Variants in SMURF1 observed in about 807,000 individuals in gnomAD.
SMURF1 encodes the protein E3 ubiquitin-protein ligase SMURF1.
A neutral mutation model predicts 98.0 loss-of-function variants in SMURF1; 44 were observed. The ratio of observed to expected loss-of-function variants is 0.45; its 90% CI spans 0.35 to 0.58. The LOEUF is 0.58. Among genes scored for constraint, SMURF1 ranks in the 20% least tolerant of loss-of-function variants. The pLI, the probability that SMURF1 is intolerant of heterozygous loss-of-function variation, is 0.00. For missense variants in SMURF1, 687 were observed against 938.4 expected (o/e 0.73, Z 3.50); for synonymous variants, 396 against 374.9 (o/e 1.06, Z -0.65).
chr7:99,046,707 G>A (rs1442337293), intron 10 of SMURF1, among the ~76,000 whole-genome samples: 6 of 145,386 alleles, frequency 4.1e-5, no homozygotes, highest in Non-Finnish European at 8.9e-5. Flanking sequence ...ACTCCAGCCT[G>A]GGCAACAGTG....
At chr7:99,080,279 A>G (rs1467445685) in intron 1 of SMURF1, among the ~76,000 whole-genome samples, 1 of 151,956 alleles carries the variant, frequency 6.6e-6, no homozygotes, top group East Asian at 1.9e-4. Flanking sequence ...AAAGCACTAA[A>G]CCTAGATAAG....
In SMURF1 at chr7:99,066,784, G is replaced by GA. The variant is rs111395590; in HGVS notation, c.56-4948dup. 5.0e-3 allele frequency among the ~76,000 whole-genome samples: 465 copies of GA among 92,498 alleles called. 2 individuals are homozygous for GA. The highest frequency in any genetic ancestry group is 9.5e-3 in the African/African-American group (238 of 24,956). 60.7% of individuals were successfully genotyped at this position (92,498 alleles called of 152,430 possible). On this transcript the variant is annotated intron_variant, in intron 1 of 17. Transcript: ENST00000361368. ...ACACAGTGAGACTCTGTCTCAAAAA[G>GA]AAAAAAAAAAAAAAAGAAAAGAAGA...
intron 1 of SMURF1, among the ~76,000 whole-genome samples, chr7:99,088,312 C>T (rs556542495): frequency 1.3e-4 from 19 of 151,938 alleles, no homozygotes; most frequent in African/African-American, 3.1e-4. Flanking sequence ...GAACTACTGA[C>T]GTCACTGATG....
intron 1 of SMURF1, among the ~76,000 whole-genome samples, chr7:99,113,277 A>G (rs1301396151): frequency 6.6e-6 from 1 of 152,202 alleles, no homozygotes; most frequent in Non-Finnish European, 1.5e-5. Flanking sequence ...GAAAACAGCA[A>G]GAGAGAAACA....
chr7:99,124,342 C>T (rs139008196), intron 1 of SMURF1, among the ~76,000 whole-genome samples: 133 of 152,272 alleles, frequency 8.7e-4, no homozygotes, highest in African/African-American at 3.2e-3. Context: ...GCCCAGTTTC[C>T]ATTTAAAAAG....
At chr7:99,073,027 T>A (rs954464493) in intron 1 of SMURF1, among the ~76,000 whole-genome samples, 1 of 152,106 alleles carries the variant, frequency 6.6e-6, no homozygotes, top group Non-Finnish European at 1.5e-5. Flanking sequence ...AACTGATCCA[T>A]CTCCTCAATG....
At chr7:99,058,322 G>T (rs969672784) in intron 3 of SMURF1, among the ~76,000 whole-genome samples, 21 of 151,916 alleles carry the variant, frequency 1.4e-4, no homozygotes, top group African/African-American at 4.8e-4. Flanking sequence ...TAGAGACGGG[G>T]TTTCACCATG....
At chr7:99,087,228 T>TA (rs1331630557) in intron 1 of SMURF1, among the ~76,000 whole-genome samples, 4 of 151,788 alleles carry the variant, frequency 2.6e-5, no homozygotes, top group African/African-American at 7.3e-5. Context: ...ATTTTAATTT[T>TA]AAAAAAATTA....
intron 1 of SMURF1, among the ~76,000 whole-genome samples, chr7:99,093,060 C>G (rs1347846572): frequency 2.6e-5 from 4 of 152,238 alleles, no homozygotes; most frequent in Admixed American, 6.5e-5. Flanking sequence ...CTCCCATAGC[C>G]TATATCACAC....
rs73709538 is a variant in SMURF1 at position 99,090,287 on chromosome 7, T to A, written c.56-28450A>T. 3.4e-3 allele frequency among the ~76,000 whole-genome samples: 524 copies of A among 152,260 alleles called. 2 individuals are homozygous for A. Among genetic ancestry groups the A allele is most frequent in the African/African-American group, 0.012 (479 of 41,536 alleles). On this transcript the variant is annotated intron_variant, in intron 1 of 17. Transcript: ENST00000361368. ...TTAAACAAAGCTCTTCAGAAATGGA[T>A]CCTCTACAGATTGACCATGATCAAA...
At chr7:99,101,053 A>G (rs1797066951) in intron 1 of SMURF1, among the ~76,000 whole-genome samples, 1 of 152,218 alleles carries the variant, frequency 6.6e-6, no homozygotes, top group Admixed American at 6.5e-5. Context: ...TTCATTTTAG[A>G]ACTGAATCCA....
intron 1 of SMURF1, among the ~76,000 whole-genome samples, chr7:99,114,317 T>C (rs938747657): frequency 3.3e-5 from 5 of 152,076 alleles, no homozygotes; most frequent in African/African-American, 1.2e-4. Flanking sequence ...AATAGAAGGA[T>C]AGAAAAGGAT....
chr7:99,110,714 A>C (rs564674825), intron 1 of SMURF1, among the ~76,000 whole-genome samples: 7 of 152,322 alleles, frequency 4.6e-5, no homozygotes, highest in Admixed American at 4.6e-4. Flanking sequence ...CAGCAATCTT[A>C]CTCTGGCAAT....
chr7:99,061,369 G>A (rs979409122), intron 2 of SMURF1, among the ~76,000 whole-genome samples: 4 of 152,192 alleles, frequency 2.6e-5, no homozygotes, highest in African/African-American at 9.7e-5. Context: ...TTTAGAAAAG[G>A]AGTCTCTTAT....
chr7:99,092,723 C>T (rs1485269370), intron 1 of SMURF1, among the ~76,000 whole-genome samples: 5 of 152,110 alleles, frequency 3.3e-5, no homozygotes, highest in African/African-American at 9.7e-5. Context: ...TGTTCAGGCA[C>T]GAGTGGCAGT....
At chr7:99,035,922 C>T (rs1384058872) in intron 15 of SMURF1, 1 of 596,292 alleles carries the variant, frequency 1.7e-6, no homozygotes, top group African/African-American at 1.9e-5. Flanking sequence ...AAACGGGTCT[C>T]CAACCCCAAG....
At chr7:99,035,076 CAG>C (rs111443573) in intron 16 of SMURF1, among the ~76,000 whole-genome samples, 16 of 152,366 alleles carry the variant, frequency 1.1e-4, no homozygotes, top group African/African-American at 3.6e-4. Context: ...GTGGCTTAAA[CAG>C]AGTGAGCAGG....
At chr7:99,042,349 G>T in intron 11 of SMURF1, 117 bp from the exon 12 acceptor site, 4 of 641,626 alleles carry the variant, frequency 6.2e-6, no homozygotes, top group Non-Finnish European at 5.4e-6. Flanking sequence ...GCATGATCTT[G>T]GCTCACTGCA....
chr7:99,102,468 T>C (rs1490438507), intron 1 of SMURF1, among the ~76,000 whole-genome samples: 4 of 152,186 alleles, frequency 2.6e-5, no homozygotes, highest in Admixed American at 6.5e-5. Flanking sequence ...TTAATATAGC[T>C]GTTTAAAAAA....
Sources: gnomAD v4.1 joint callset for allele counts (sites outside exome capture counted in the v4.1 genomes callset) on GRCh38, gnomAD v4.1.1 for gene constraint, MANE v1.5 for transcripts, NCBI Gene and HGNC (gene_info 2026-07-23, HGNC 2026-07-21) for gene names.